The following TRDN variants were observed in gnomAD, a reference collection of about 807,000 sequenced individuals.
TRDN encodes triadin.
Under a neutral mutation model 149.7 loss-of-function variants are expected in TRDN, and 161 were observed. That is an observed-to-expected ratio of 1.08 (90% CI 0.95 to 1.23). The LOEUF is 1.23. Among genes scored for constraint, TRDN ranks in the 50% most tolerant of loss-of-function variants. TRDN has a pLI of 0.00. For synonymous variants in TRDN, 294 were observed against 250.5 expected, an observed-to-expected ratio of 1.17 and a Z score of -1.64; for missense variants, 896 against 823.5, an observed-to-expected ratio of 1.09 and a Z score of -1.08.
chr6:123,359,240 T>C (rs919919419), intron 20 of TRDN, among the ~76,000 whole-genome samples: 1 of 152,208 alleles, frequency 6.6e-6, no homozygotes, highest in African/African-American at 2.4e-5. Context: ...CTTCCTACAG[T>C]CTTCTAACAT....
intron 24 of TRDN, among the ~76,000 whole-genome samples, chr6:123,311,048 G>C (rs1317962964): frequency 6.6e-6 from 1 of 151,932 alleles, no homozygotes; most frequent in Non-Finnish European, 1.5e-5. Context: ...ATGAGAACCT[G>C]TATTAGTCTG....
intron 1 of TRDN, among the ~76,000 whole-genome samples, chr6:123,605,767 C>T (rs1271487572): frequency 6.6e-6 from 1 of 151,908 alleles, no homozygotes; most frequent in African/African-American, 2.4e-5. Context: ...GTCTCAAAAA[C>T]AAAAACAAAA....
At chr6:123,607,803 A>T (rs1784588772) in intron 1 of TRDN, among the ~76,000 whole-genome samples, 1 of 151,298 alleles carries the variant, frequency 6.6e-6, no homozygotes, top group Non-Finnish European at 1.5e-5. Context: ...TGTTCTAGAC[A>T]TGTAACTTTA....
rs1779202340 is a variant in TRDN, at chr6:123,320,499, T to C, written c.1472-4004A>G. ...ACATAATCCTTACATACCACTCCTA[T>C]GTGGTAAATGTTATTATTAGACTCA... On this transcript the variant is annotated intron_variant, in intron 23 of 40. Coordinates refer to ENST00000334268, the MANE Select transcript of TRDN (RefSeq NM_006073.4). Among the ~76,000 whole-genome samples, 2 of 152,000 alleles carry C rather than the reference T, an allele frequency of 1.3e-5. 1 individual carries two copies. The highest frequency in any genetic ancestry group is 4.1e-4 in the South Asian group (2 of 4,832).
chr6:123,359,694 G>T (rs1780822556), intron 20 of TRDN, among the ~76,000 whole-genome samples: 2 of 151,850 alleles, frequency 1.3e-5, no homozygotes, highest in Admixed American at 1.3e-4. Flanking sequence ...GGATTTGTTT[G>T]TTTGTTTGTT....
intron 35 of TRDN, among the ~76,000 whole-genome samples, chr6:123,257,168 C>G (rs1039226364): frequency 6.6e-6 from 1 of 151,828 alleles, no homozygotes; most frequent in Non-Finnish European, 1.5e-5. Flanking sequence ...TTAGTAGAGA[C>G]AGAGTTTCAC....
rs779227310 is a variant in TRDN, at chr6:123,503,822, C to T, written c.690G>A (p.Val230=). 1.2e-6 allele frequency: 2 copies of T among 1,609,182 alleles called. No homozygotes were observed. Among genetic ancestry groups the T allele is most frequent in the Non-Finnish European group, 1.7e-6 (2 of 1,177,368 alleles). The change falls in exon 8 of 41, where the codon GTG becomes GTA. Residue 230 remains valine, a synonymous_variant. Transcript: ENST00000334268. ...CTTTTACTTTTGCAGCTGTTTGCTT[C>T]ACTTTCTCCTGTTTTCCACCTTTCA... ...KEVKGGKQEK[V]KQTAAKVKEV... is the part of the protein sequence containing the mutation.
chr6:123,512,843 T>C (rs1161279289), intron 6 of TRDN, among the ~76,000 whole-genome samples: 3 of 152,150 alleles, frequency 2.0e-5, no homozygotes, highest in South Asian at 2.1e-4. Flanking sequence ...TGAGATTTAA[T>C]TGGGCAGTTA....
intron 21 of TRDN, chr6:123,350,095 T>C: frequency 1.0e-6 from 1 of 977,080 alleles, no homozygotes; most frequent in Non-Finnish European, 1.2e-6. Context: ...AGGCTCCAAC[T>C]TTATACTTAA....
At chr6:123,454,475 A>C (rs1775983510) in intron 10 of TRDN, among the ~76,000 whole-genome samples, 1 of 152,182 alleles carries the variant, frequency 6.6e-6, no homozygotes, top group Non-Finnish European at 1.5e-5. Context: ...GCTTGTATGC[A>C]CTAGAATATA....
chr6:123,318,764 C>T (rs1337141548), intron 23 of TRDN, among the ~76,000 whole-genome samples: 9 of 151,946 alleles, frequency 5.9e-5, no homozygotes, highest in Admixed American at 2.6e-4. Context: ...GTTTGTCAAA[C>T]GATCTTTTGG....
At chr6:123,222,098 T>A (rs1775168962) in intron 39 of TRDN, among the ~76,000 whole-genome samples, 1 of 151,752 alleles carries the variant, frequency 6.6e-6, no homozygotes. Flanking sequence ...TTTCTTTGAA[T>A]CCCTTTCTTC....
intron 24 of TRDN, among the ~76,000 whole-genome samples, chr6:123,289,037 G>GTATA (rs745575578): frequency 6.2e-5 from 9 of 144,728 alleles, no homozygotes; most frequent in South Asian, 2.1e-4. Context: ...GTGTGTGTGT[G>GTATA]TATATATATA....
In TRDN at chr6:123,279,449, C is replaced by T. The variant is rs539233325; in HGVS notation, c.1511-367G>A. ...GCCAGTCTGTGGGCCATTTTGTCAG[C>T]CTCTGCTCTATTCATAGTCAGTTTT... On this transcript the variant is annotated intron_variant, in intron 24 of 40. Transcript: ENST00000334268. Among the ~76,000 whole-genome samples, 8 of 152,182 alleles carry T rather than the reference C, an allele frequency of 5.3e-5. No individual in the cohort carries two copies. The South Asian group carries it at 1.7e-3, about 32-fold the overall frequency.
intron 12 of TRDN, among the ~76,000 whole-genome samples, chr6:123,426,859 T>C (rs1228898217): frequency 6.6e-6 from 1 of 152,150 alleles, no homozygotes; most frequent in Non-Finnish European, 1.5e-5. Context: ...GCAGAGGTAA[T>C]TTATTACATG....
At chr6:123,405,608 C>T (rs1486244515) in intron 12 of TRDN, among the ~76,000 whole-genome samples, 4 of 152,038 alleles carry the variant, frequency 2.6e-5, no homozygotes, top group South Asian at 2.1e-4. Context: ...ATGACGAGGC[C>T]GGAAATGGCT....
intron 31 of TRDN, 125 bp from the exon 32 acceptor site, chr6:123,267,876 T>G: frequency 1.5e-6 from 1 of 674,396 alleles, no homozygotes; most frequent in Non-Finnish European, 2.4e-6. Context: ...TTTCATGTAA[T>G]TTGAAACAAA....
intron 2 of TRDN, among the ~76,000 whole-genome samples, chr6:123,556,232 G>A (rs976108872): frequency 1.8e-4 from 27 of 152,048 alleles, no homozygotes; most frequent in African/African-American, 5.5e-4. Flanking sequence ...AGGAATAAAT[G>A]TTCTATTTTA....
At chr6:123,246,607 A>G (rs1776191202) in intron 38 of TRDN, among the ~76,000 whole-genome samples, 1 of 152,004 alleles carries the variant, frequency 6.6e-6, no homozygotes, top group African/African-American at 2.4e-5. Context: ...TATCAACCAA[A>G]AAAAAAAGGC....
Sources: gnomAD v4.1 joint callset for allele counts (sites outside exome capture counted in the v4.1 genomes callset) on GRCh38, gnomAD v4.1.1 for gene constraint, MANE v1.5 for transcripts, NCBI Gene and HGNC (gene_info 2026-07-23, HGNC 2026-07-21) for gene names.